COG3: variants seen among roughly 807,000 people sequenced by gnomAD.
The protein encoded by COG3 is conserved oligomeric Golgi complex subunit 3.
Under a neutral mutation model 114.1 loss-of-function variants are expected in COG3, and 32 were observed. The ratio of observed to expected loss-of-function variants is 0.28; its 90% CI spans 0.21 to 0.38. The LOEUF (loss-of-function observed/expected upper bound fraction) is 0.38, where lower values mean the gene tolerates loss of function less well. Ranked by LOEUF, COG3 falls within the 10% of genes least tolerant of loss-of-function variation. The probability of loss-of-function intolerance (pLI) is 1.00; values close to 1 mark genes in which losing one functional copy is unlikely to be tolerated. For missense variants in COG3, 813 were observed against 973.2 expected, an observed-to-expected ratio of 0.84 and a Z score of 2.19; for synonymous variants, 352 against 365.7, an observed-to-expected ratio of 0.96 and a Z score of 0.43.
chr13:45,476,799 T>C (rs548937934), intron 2 of COG3, among the ~76,000 whole-genome samples: 1 of 152,358 alleles, frequency 6.6e-6, no homozygotes, highest in East Asian at 1.9e-4. Context: ...TTTTTGTTCA[T>C]TCCTAATTAG....
chr13:45,499,796 C>T (rs903348894), intron 13 of COG3, among the ~76,000 whole-genome samples: 2 of 151,930 alleles, frequency 1.3e-5, no homozygotes, highest in Admixed American at 6.6e-5. Context: ...CCAAGGTGGG[C>T]GAATCACTTG....
chr13:45,486,668 G>A lies in COG3; in HGVS notation c.924+93G>A, dbSNP rs1046040220. 8 of 789,206 alleles carry A rather than the reference G, an allele frequency of 1.0e-5. No individual in the cohort carries two copies. In the African/African-American group the frequency reaches 1.0e-4, roughly 10 times the overall value. 48.9% of individuals were successfully genotyped at this position (789,206 alleles called of 1,614,324 possible). A position where few individuals can be genotyped will look rare whatever the true frequency, so the allele number is the denominator to read the frequency against. ...GTATGTTAGGCTCTTTGTTTATACCGAGGAAGTGAACTTGAATGAAAGGTT... is the reference window on the plus strand; with the variant it reads ...GTATGTTAGGCTCTTTGTTTATACCAAGGAAGTGAACTTGAATGAAAGGTT... On this transcript the variant is annotated intron_variant, in intron 8 of 22. Coordinates refer to ENST00000349995, the MANE Select transcript of COG3 (RefSeq NM_031431.4).
Position 45,465,078 on chromosome 13 carries a change from G to T in COG3, c.42G>T (p.Ala14=), listed in dbSNP as rs1482733494. The T allele has an allele frequency of 6.2e-7, 1 of 1,603,978 alleles. No homozygotes were observed. The highest frequency in any genetic ancestry group is 8.5e-7 in the Non-Finnish European group (1 of 1,176,374). ...AALLLLPEAA[A]ERDAREKLAL... ...TGTTGCTGCTGCCTGAGGCGGCGGC[G>T]GAGCGGGACGCTAGGGAAAAGCTGG... The change falls in exon 1 of 23, where the codon GCG becomes GCT. Residue 14 remains alanine (A), a synonymous_variant. Transcript: ENST00000349995.
chr13:45,497,220 A>T (rs1175284997), intron 13 of COG3, among the ~76,000 whole-genome samples: 1 of 152,138 alleles, frequency 6.6e-6, no homozygotes, highest in Non-Finnish European at 1.5e-5. Flanking sequence ...TGGTTTGAAG[A>T]CTTGGGTTTA....
intron 13 of COG3, among the ~76,000 whole-genome samples, chr13:45,500,413 A>G (rs936341879): frequency 6.6e-6 from 1 of 152,194 alleles, no homozygotes. Flanking sequence ...TGTATTCATC[A>G]GCATATCTTT....
At chr13:45,517,405 A>G (rs138912863) in intron 17 of COG3, among the ~76,000 whole-genome samples, 288 of 152,196 alleles carry the variant, frequency 1.9e-3, no homozygotes, top group Non-Finnish European at 3.2e-3. Flanking sequence ...AGTTTGCTCT[A>G]TTTCGTTCCC....
chr13:45,535,519 A>C lies in COG3; in HGVS notation c.*788A>C. The stretch of plus-strand genomic sequence containing the variant: ...AATTAAGGTGTCTTAAATTTGGCGC[A>C]TAGAGGAGAGAAGGAAACCTGAGGA... On this transcript the variant is annotated 3_prime_UTR_variant, in exon 23 of 23. Transcript: ENST00000349995. The C allele has an allele frequency of 1.0e-6, 1 of 985,612 alleles. No homozygotes were observed. Among genetic ancestry groups the C allele is most frequent in the Non-Finnish European group, 1.2e-6 (1 of 830,072 alleles). The allele number at this position is 985,612 out of a possible 1,614,324, so 61.1% of individuals were successfully genotyped here.
chr13:45,509,062 C>T lies in COG3; in HGVS notation c.1595-630C>T, dbSNP rs561246799. ...GCTTCCTTTTTTTTTTTTTTTGAGA[C>T]GGAGTCTCACTTTGTTGCCCAGGCT... On this transcript the variant is annotated intron_variant, in intron 14 of 22. Transcript: ENST00000349995. 7.9e-3 allele frequency among the ~76,000 whole-genome samples: 1,174 copies of T among 147,722 alleles called. 9 individuals carry two copies. Among genetic ancestry groups the T allele is most frequent in the Non-Finnish European group, 0.012 (821 of 67,212 alleles).
At chr13:45,474,478 A>G (rs12877431) in intron 1 of COG3, among the ~76,000 whole-genome samples, 13,918 of 152,054 alleles carry the variant, frequency 0.092, 838 homozygotes, top group African/African-American at 0.16. Flanking sequence ...TTTACTCCTT[A>G]TAGTAACGTT....
intron 16 of COG3, among the ~76,000 whole-genome samples, chr13:45,514,058 A>G (rs976317512): frequency 2.0e-5 from 3 of 151,914 alleles, no homozygotes; most frequent in African/African-American, 7.3e-5. Flanking sequence ...TTTATTTTCT[A>G]CAGTGATCCT....
At chr13:45,467,568 G>C (rs1303197436) in intron 1 of COG3, among the ~76,000 whole-genome samples, 1 of 151,990 alleles carries the variant, frequency 6.6e-6, no homozygotes, top group Non-Finnish European at 1.5e-5. Context: ...CTCCAGCCTG[G>C]GTGGGTGACA....
At chr13:45,478,370 G>A (rs1172170257) in intron 2 of COG3, among the ~76,000 whole-genome samples, 4 of 151,434 alleles carry the variant, frequency 2.6e-5, no homozygotes, top group East Asian at 3.9e-4. Flanking sequence ...TAGTAGAGAC[G>A]GGGTTTCACC....
At chr13:45,533,086 C>T (rs1873312100) in intron 22 of COG3, among the ~76,000 whole-genome samples, 1 of 151,684 alleles carries the variant, frequency 6.6e-6, no homozygotes. Context: ...GGCGGGAGCT[C>T]ATGGATGTGC....
intron 1 of COG3, chr13:45,466,652 A>G (rs964467615): frequency 6.6e-6 from 1 of 152,190 alleles, no homozygotes; most frequent in African/African-American, 2.4e-5. Flanking sequence ...TTTATAATTG[A>G]TTTGGCTCCT....
At chr13:45,514,742 G>T (rs555072177) in intron 16 of COG3, among the ~76,000 whole-genome samples, 2 of 151,970 alleles carry the variant, frequency 1.3e-5, no homozygotes, top group East Asian at 1.9e-4. Flanking sequence ...CCGCCTCCCA[G>T]GTTCACGCCA....
chr13:45,476,399 G>GT, intron 2 of COG3, 52 bp downstream of exon 2: 1 of 1,561,460 alleles, frequency 6.4e-7, no homozygotes, highest in Non-Finnish European at 8.8e-7. Context: ...GATGTCTGAA[G>GT]ACAAGGCTAA....
At chr13:45,467,416 A>G (rs1034657862) in intron 1 of COG3, among the ~76,000 whole-genome samples, 1 of 152,222 alleles carries the variant, frequency 6.6e-6, no homozygotes, top group Non-Finnish European at 1.5e-5. Context: ...ACATGGCGAA[A>G]CACCATCTCT....
At chr13:45,474,453 T>C (rs1349214586) in intron 1 of COG3, among the ~76,000 whole-genome samples, 2 of 152,126 alleles carry the variant, frequency 1.3e-5, no homozygotes, top group South Asian at 2.1e-4. Context: ...TGAGCCACCG[T>C]GCCTGGCCTT....
intron 13 of COG3, among the ~76,000 whole-genome samples, chr13:45,497,857 A>T (rs1869011833): frequency 6.6e-6 from 1 of 152,010 alleles, no homozygotes; most frequent in Non-Finnish European, 1.5e-5. Flanking sequence ...ACGGAATATA[A>T]CTTTACACTC....
Sources: gnomAD v4.1 joint callset for allele counts (sites outside exome capture counted in the v4.1 genomes callset) on GRCh38, gnomAD v4.1.1 for gene constraint, MANE v1.5 for transcripts, NCBI Gene and HGNC (gene_info 2026-07-23, HGNC 2026-07-21) for gene names.